The following TAF1 variants were observed in gnomAD, a reference collection of about 807,000 sequenced individuals.
The protein encoded by TAF1 is transcription initiation factor TFIID subunit 1.
A neutral mutation model predicts 138.5 loss-of-function variants in TAF1; 2 were observed. The ratio of observed to expected loss-of-function variants is 0.01; its 90% CI spans 0.01 to 0.05. The LOEUF (loss-of-function observed/expected upper bound fraction) is 0.05, where lower values mean the gene tolerates loss of function less well. Among genes scored for constraint, TAF1 ranks in the 10% least tolerant of loss-of-function variants. TAF1 has a pLI of 1.00. For missense variants in TAF1, 709 were observed against 1,478.0 expected, an observed-to-expected ratio of 0.48 and a Z score of 8.53; for synonymous variants, 437 against 503.2, an observed-to-expected ratio of 0.87 and a Z score of 1.76.
Position 71,394,057 on chromosome X carries a change from C to T in TAF1, c.3228-10C>T. 3 of 1,188,879 alleles carry T rather than the reference C, an allele frequency of 2.5e-6. No individual in the cohort carries two copies. The highest frequency in any genetic ancestry group is 4.9e-5 in the Admixed American group (2 of 40,791). On this transcript the variant is annotated splice_polypyrimidine_tract_variant and intron_variant, in intron 21 of 37. Coordinates refer to ENST00000423759, the MANE Select transcript of TAF1 (RefSeq NM_004606.5). The stretch of plus-strand genomic sequence containing the variant: ...TAGTTCTTTCTGCACATTGCTTTTT[C>T]TCTTTTTAGGGTTCTGTCATCAACT...
At chrX:71,420,896 G>A in intron 28 of TAF1, among the ~76,000 whole-genome samples, 1 of 112,448 alleles carries the variant, frequency 8.9e-6, no homozygotes, top group Non-Finnish European at 1.9e-5. Flanking sequence ...CCCCTCCCCG[G>A]CCTCCCCACC....
chrX:71,477,698 A>T (rs909987917), intron 13 of TAF1, among the ~76,000 whole-genome samples: 16 of 112,581 alleles, frequency 1.4e-4, no homozygotes, highest in African/African-American at 4.5e-4. Flanking sequence ...GTGTTAAAAA[A>T]TATAAACTTT....
At chrX:71,425,488 C>G (rs1028057770) in intron 32 of TAF1, among the ~76,000 whole-genome samples, 1 of 110,615 alleles carries the variant, frequency 9.0e-6, no homozygotes, top group Non-Finnish European at 1.9e-5. Flanking sequence ...AACTTATAAA[C>G]AAAAGCTTAG....
chrX:71,504,414 T>C (rs1389572468), intron 13 of TAF1, among the ~76,000 whole-genome samples: 1 of 109,576 alleles, frequency 9.1e-6, no homozygotes, highest in Admixed American at 9.9e-5. Flanking sequence ...CCAATTTCAG[T>C]GAATAATTAC....
intron 3 of TAF1, among the ~76,000 whole-genome samples, chrX:71,372,719 C>G (rs1304261493): frequency 1.8e-5 from 2 of 110,533 alleles, no homozygotes; most frequent in Non-Finnish European, 3.8e-5. Flanking sequence ...ACCAGGCTTG[C>G]ATTCTGATTT....
chrX:71,500,326 G>C (rs2039475342), intron 13 of TAF1, among the ~76,000 whole-genome samples: 1 of 111,439 alleles, frequency 9.0e-6, no homozygotes, highest in African/African-American at 3.3e-5. Context: ...ACTTCCCTCA[G>C]GTGGCCATTT....
chrX:71,452,276 C>T (rs1302458528), intron 32 of TAF1, among the ~76,000 whole-genome samples: 5 of 109,490 alleles, frequency 4.6e-5, no homozygotes, highest in Admixed American at 1.9e-4. Flanking sequence ...GGGCGGCTGC[C>T]GGGCGGAGGG....
At position 71,477,282 on chromosome X, in the gene TAF1, A is replaced by T. The variant is rs186251481; in HGVS notation, c.1366+16479A>T. 7.4e-3 allele frequency among the ~76,000 whole-genome samples: 816 copies of T among 110,556 alleles called. 1 individual carries two copies. Among genetic ancestry groups the T allele is most frequent in the Non-Finnish European group, 0.012 (617 of 52,843 alleles). On this transcript the variant is annotated intron_variant and NMD_transcript_variant, in intron 13 of 14. Coordinates refer to the TAF1 transcript ENST00000373775. ...GGAGAAATAAAAGATAATTTAAAAA[A>T]TTTTTTTAATTTTAATTTTTTTTTT...
Position 71,379,010 on chromosome X carries a change from A to T in TAF1, c.1339A>T (p.Met447Leu), listed in dbSNP as rs1211452318. 8.3e-7 allele frequency: 1 copy of T among 1,204,523 alleles called. No individual in the cohort carries two copies. The highest frequency in any genetic ancestry group is 1.1e-6 in the Non-Finnish European group (1 of 891,853). ...TCCTTCTAGCATGACTAGGAATGCG[A>T]TGGCTTACAATGTTCAGCAAGGTGT... ...WLPSSMTRNA[M>L]AYNVQQGFAA... The change falls in exon 8 of 38, where the codon ATG becomes TTG. Residue 447 changes from methionine to leucine, a missense_variant. By Grantham distance (15) the Met-to-Leu change is conservative. Around this residue, in one of 14 missense-constraint regions of TAF1, gnomAD observed 201 missense variants for 421.3 expected, o/e 0.48. Coordinates refer to ENST00000423759, the MANE Select transcript of TAF1 (RefSeq NM_004606.5).
chrX:71,504,145 G>A lies in TAF1; in HGVS notation c.1367-24397G>A, dbSNP rs1204717238. ...AGCATGTGCCTGAGTGTTCCAGCCTGCCCTTCTTGATGGCCCACCCTACGG... is the reference window on the plus strand; with the variant it reads ...AGCATGTGCCTGAGTGTTCCAGCCTACCCTTCTTGATGGCCCACCCTACGG... On this transcript the variant is annotated intron_variant and NMD_transcript_variant, in intron 13 of 14. Coordinates refer to the TAF1 transcript ENST00000373775. Among the ~76,000 whole-genome samples the A allele has an allele frequency of 2.7e-5, 3 of 110,756 alleles. No homozygotes were observed. The East Asian group carries it at 8.6e-4, about 32-fold the overall frequency.
chrX:71,382,138 C>T (rs1382662559), intron 9 of TAF1, among the ~76,000 whole-genome samples: 1 of 111,942 alleles, frequency 8.9e-6, no homozygotes. Context: ...TTTGAGATGT[C>T]AAGAGCATAG....
At chrX:71,384,627 C>T (rs180806811) in intron 13 of TAF1, among the ~76,000 whole-genome samples, 1 of 110,778 alleles carries the variant, frequency 9.0e-6, no homozygotes, top group Non-Finnish European at 1.9e-5. Context: ...CCAGGATGGT[C>T]TCGATCTCTT....
At chrX:71,374,797 T>C (rs976032227) in intron 3 of TAF1, among the ~76,000 whole-genome samples, 3 of 111,292 alleles carry the variant, frequency 2.7e-5, no homozygotes, top group Non-Finnish European at 5.7e-5. Flanking sequence ...GCATAGTGTT[T>C]CATGTGGTGC....
At chrX:71,489,035 C>G (rs1033598437) in intron 13 of TAF1, among the ~76,000 whole-genome samples, 3 of 107,089 alleles carry the variant, frequency 2.8e-5, no homozygotes, top group Non-Finnish European at 5.8e-5. Flanking sequence ...CCACTGCACT[C>G]CAGCCTGAGC....
At chrX:71,369,964 C>T (rs1314969076) in intron 3 of TAF1, among the ~76,000 whole-genome samples, 1 of 110,052 alleles carries the variant, frequency 9.1e-6, no homozygotes, top group Non-Finnish European at 1.9e-5. Context: ...GTGGCTCAGG[C>T]CTGTAAACCC....
At chrX:71,510,748 G>A (rs1014595062) in intron 13 of TAF1, among the ~76,000 whole-genome samples, 3 of 111,612 alleles carry the variant, frequency 2.7e-5, no homozygotes, top group Non-Finnish European at 5.7e-5. Flanking sequence ...ATGAGAAGAA[G>A]AAAGAAAACA....
chrX:71,373,443 C>T (rs745551849), intron 3 of TAF1, among the ~76,000 whole-genome samples: 3 of 111,465 alleles, frequency 2.7e-5, no homozygotes, highest in South Asian at 3.7e-4. Flanking sequence ...GCTGGGATTA[C>T]AGGTGTGAGC....
chrX:71,445,915 ATTT>A (rs749778368), intron 32 of TAF1, among the ~76,000 whole-genome samples: 1 of 93,537 alleles, frequency 1.1e-5, no homozygotes, highest in Non-Finnish European at 2.2e-5. Flanking sequence ...GTTGTTCACT[ATTT>A]TTTTTTTTTT....
intron 1 of TAF1, among the ~76,000 whole-genome samples, chrX:71,367,100 C>G (rs1004492159): frequency 8.9e-6 from 1 of 112,275 alleles, no homozygotes; most frequent in African/African-American, 3.2e-5. Context: ...CTGTCGGCCG[C>G]TGTGGCCCCT....
Sources: allele counts gnomAD v4.1 joint callset (sites outside exome capture counted in the v4.1 genomes callset), GRCh38; gene constraint gnomAD v4.1.1; regional missense constraint gnomAD v4.1.1; transcripts MANE v1.5; gene names NCBI Gene and HGNC (gene_info 2026-07-23, HGNC 2026-07-21).